GET4: variants seen among roughly 807,000 people sequenced by gnomAD.
GET4 encodes guided entry of tail-anchored proteins factor 4, also known as Golgi to ER traffic protein 4 homolog.
GET4 carries 20 observed loss-of-function variants against 40.0 expected under a neutral mutation model. The observed-to-expected ratio is 0.50, with a 90% confidence interval of 0.35 to 0.73. The LOEUF is 0.73. Ranked by LOEUF, GET4 falls within the 30% of genes least tolerant of loss-of-function variation. The probability of loss-of-function intolerance (pLI) is 0.01; values close to 1 mark genes in which losing one functional copy is unlikely to be tolerated. For missense variants in GET4, 557 were observed against 454.0 expected (o/e 1.23, Z -2.06); for synonymous variants, 280 against 194.6 (o/e 1.44, Z -3.65).
At chr7:893,158 A>AAG (rs1844373213) in intron 6 of GET4, among the ~76,000 whole-genome samples, 2 of 62,154 alleles carry the variant, frequency 3.2e-5, no homozygotes, top group East Asian at 4.0e-4. Flanking sequence ...TGTTGGGTGT[A>AAG]GGCGTGGTGG....
intron 4 of GET4, among the ~76,000 whole-genome samples, chr7:888,335 A>G (rs762581569): frequency 1.3e-5 from 2 of 152,202 alleles, no homozygotes; most frequent in African/African-American, 2.4e-5. Flanking sequence ...CTCTGCACAC[A>G]TCAGCAGCCC....
chr7:892,535 G>A lies in GET4; in HGVS notation c.746+117G>A, dbSNP rs1033751810. 26 of 1,074,012 alleles carry A rather than the reference G, an allele frequency of 2.4e-5. No homozygotes were observed. In the African/African-American group the frequency reaches 3.1e-4, roughly 13 times the overall value. 66.5% of individuals were successfully genotyped at this position (1,074,012 alleles called of 1,614,324 possible). On this transcript the variant is annotated intron_variant, in intron 6 of 8. Coordinates refer to ENST00000265857, the MANE Select transcript of GET4 (RefSeq NM_015949.3). ...GTGTAGCCATGGTGTGGGTAGCCGT[G>A]TGGGTATATGCATAGGGTATGAGTG...
intron 3 of GET4, chr7:887,100 G>A (rs1298580709): frequency 7.7e-6 from 5 of 646,626 alleles, no homozygotes; most frequent in African/African-American, 7.1e-5. Context: ...GGCCACAGCT[G>A]TTCCTGGACT....
chr7:893,187 GGGCGCGGGCGCGGT>G (rs1844374401), intron 6 of GET4, among the ~76,000 whole-genome samples: 6 of 148,540 alleles, frequency 4.0e-5, no homozygotes, highest in Non-Finnish European at 7.4e-5. Flanking sequence ...GGTGAGTGTT[GGGCGCGGGCGCGGT>G]GGTGTGTGCA....
chr7:886,225 C>G, intron 2 of GET4, 91 bp downstream of exon 2: 1 of 853,262 alleles, frequency 1.2e-6, no homozygotes, highest in Non-Finnish European at 2.0e-6. Context: ...GATGGGCAAC[C>G]TTGCGCTGCC....
intron 4 of GET4, among the ~76,000 whole-genome samples, chr7:889,538 C>T (rs1844267611): frequency 6.6e-6 from 1 of 152,116 alleles, no homozygotes; most frequent in East Asian, 1.9e-4. Context: ...TTGGGCAGCG[C>T]AGTCAGGAAA....
intron 6 of GET4, among the ~76,000 whole-genome samples, chr7:893,171 T>G (rs1385099568): frequency 1.5e-4 from 16 of 105,358 alleles, no homozygotes; most frequent in Admixed American, 4.2e-4. Flanking sequence ...CGTGGTGGTG[T>G]TTGCAGGTGA....
chr7:891,347 G>A (rs925484761), intron 5 of GET4, among the ~76,000 whole-genome samples: 2 of 152,208 alleles, frequency 1.3e-5, no homozygotes, highest in African/African-American at 2.4e-5. Flanking sequence ...TGTGGTCTCT[G>A]CTGTACTCAG....
At chr7:881,621 T>C (rs1050892611) in intron 1 of GET4, 1 of 152,202 alleles carries the variant, frequency 6.6e-6, no homozygotes, top group Non-Finnish European at 1.5e-5. Context: ...TTTTTAAATA[T>C]TCTTATGTTT....
chr7:879,231 C>T (rs999003508), intron 1 of GET4, among the ~76,000 whole-genome samples: 1 of 152,260 alleles, frequency 6.6e-6, no homozygotes, highest in Non-Finnish European at 1.5e-5. Context: ...TCACGCCCAA[C>T]CTGTGCCTGC....
chr7:895,212 G>A (rs1346967593), intron 8 of GET4, 122 bp from the exon 9 acceptor site: 5 of 592,700 alleles, frequency 8.4e-6, no homozygotes, highest in Admixed American at 5.6e-5. Context: ...CAGTAGCGAT[G>A]TGAGGCTTTT....
At chr7:886,412 C>G in intron 2 of GET4, 157 bp from the exon 3 acceptor site, 1 of 648,458 alleles carries the variant, frequency 1.5e-6, no homozygotes, top group Non-Finnish European at 2.8e-6. Flanking sequence ...GCCAGGAGCT[C>G]TCTTTTTCGG....
chr7:886,006 G>A (rs755818753), intron 1 of GET4, 50 bp from the exon 2 acceptor site: 36 of 1,060,486 alleles, frequency 3.4e-5, no homozygotes, highest in East Asian at 1.2e-4. Context: ...GCGGGGGAGC[G>A]CGGTGGCGAG....
chr7:882,351 A>T (rs530448565), intron 1 of GET4: 2 of 152,432 alleles, frequency 1.3e-5, no homozygotes, highest in African/African-American at 4.8e-5. Flanking sequence ...TTGAAGGTGA[A>T]GGAGAGGGAA....
chr7:880,018 C>G (rs930419943), intron 1 of GET4: 4 of 152,216 alleles, frequency 2.6e-5, no homozygotes, highest in Non-Finnish European at 4.4e-5. Context: ...CACCCTGATG[C>G]CTGCCGTGCC....
At chr7:881,744 A>T (rs1221435996) in intron 1 of GET4, 1 of 152,196 alleles carries the variant, frequency 6.6e-6, no homozygotes, top group East Asian at 1.9e-4. Flanking sequence ...ACTAGTGACT[A>T]GGGTTTGTCC....
chr7:893,918 A>G lies in GET4; in HGVS notation c.842A>G (p.Gln281Arg). Residue 281 changes from glutamine (Q) to arginine (R), a missense_variant, in exon 8 of 9, where the codon CAG becomes CGG. Physicochemically the swap from Gln to Arg is conservative, Grantham distance 43. Coordinates refer to ENST00000265857, the MANE Select transcript of GET4 (RefSeq NM_015949.3). ...TTGCAGTACCTCGACCGCATAGGAC[A>G]GCTGTTCTTCGGCGTCCCGCCCAAG... ...MYNEYLDRIG[Q>R]LFFGVPPKQT... The G allele has an allele frequency of 6.2e-7, 1 of 1,609,962 alleles. No homozygotes were observed.
Position 893,924 on chromosome 7 carries a change from T to C in GET4, c.848T>C (p.Phe283Ser). ...TACCTCGACCGCATAGGACAGCTGT[T>C]CTTCGGCGTCCCGCCCAAGCAGACG... is the stretch of plus-strand genomic sequence containing the variant. ...NEYLDRIGQLFFGVPPKQTSS... is the reference protein window; with the variant it reads ...NEYLDRIGQLSFGVPPKQTSS... Residue 283 changes from phenylalanine (F) to serine (S), a missense_variant, in exon 8 of 9, where the codon TTC (phenylalanine) becomes TCC (serine). Transcript: ENST00000265857. The C allele has an allele frequency of 6.2e-7, 1 of 1,609,188 alleles. No homozygotes were observed. Among genetic ancestry groups the C allele is most frequent in the Non-Finnish European group, 8.5e-7 (1 of 1,176,954 alleles).
At chr7:882,583 G>C (rs867652129) in intron 1 of GET4, 1 of 150,404 alleles carries the variant, frequency 6.6e-6, no homozygotes, top group African/African-American at 2.5e-5. Context: ...CTCCAGGGAT[G>C]GCGCGGGTTG....
Sources: allele counts gnomAD v4.1 joint callset (sites outside exome capture counted in the v4.1 genomes callset), GRCh38; gene constraint gnomAD v4.1.1; transcripts MANE v1.5; gene names NCBI Gene and HGNC (gene_info 2026-07-23, HGNC 2026-07-21).